The following ATXN7L3 variants were observed in gnomAD, a reference collection of about 807,000 sequenced individuals.
ATXN7L3 encodes the protein ataxin-7-like protein 3.
ATXN7L3 carries 6 observed loss-of-function variants against 50.0 expected under a neutral mutation model. The observed-to-expected ratio is 0.12, with a 90% CI of 0.07 to 0.24. ATXN7L3 has a LOEUF of 0.24. ATXN7L3 is among the 10% of genes least tolerant of loss of function. ATXN7L3 has a pLI of 1.00. For missense variants in ATXN7L3, 322 were observed against 451.3 expected (o/e 0.71, Z 2.60); for synonymous variants, 198 against 165.8 (o/e 1.19, Z -1.49).
At chr17:44,198,877 A>AC (rs1312052289) in intron 1 of ATXN7L3, 5 of 152,306 alleles carry the variant, frequency 3.3e-5, no homozygotes, top group Non-Finnish European at 7.3e-5. Context: ...AAGTCCAGGA[A>AC]CCCCCACCCA....
chr17:44,195,782 G>A lies in ATXN7L3; in HGVS notation c.552+18C>T, dbSNP rs1324154873. ...ACCAGGACAATGAGAGCAAGCATGA[G>A]GGGCGGCCCATACTCACCTTAAAAG... On this transcript the variant is annotated intron_variant, in intron 8 of 12. Transcript: ENST00000587097. 1.3e-6 allele frequency: 2 copies of A among 1,596,120 alleles called. No individual in the cohort carries two copies. The highest frequency in any genetic ancestry group is 1.7e-5 in the Admixed American group (1 of 59,924).
rs1487298609 is a variant in ATXN7L3, at chr17:44,194,562, C to CAGAGGGTG, written c.842_849dup (p.Asp284HisfsTer18). 6.2e-7 allele frequency: 1 copy of CAGAGGGTG among 1,613,808 alleles called. No homozygotes were observed. Among genetic ancestry groups the CAGAGGGTG allele is most frequent in the Non-Finnish European group, 8.5e-7 (1 of 1,179,984 alleles). On this transcript the variant is annotated frameshift_variant, in exon 12 of 13. Coordinates refer to ENST00000587097, the MANE Select transcript of ATXN7L3 (RefSeq NM_001382309.1). LOFTEE classifies it high-confidence loss of function. ...TCACTCGTCTTGGAGGAGCCTGAATCAGAGGGTGAGAGGTCAGAGGAGCCG... is the reference window on the plus strand; with the variant it reads ...TCACTCGTCTTGGAGGAGCCTGAATCAGAGGGTGAGAGGGTGAGAGGTCAGAGGAGCCG...
At position 44,197,392 on chromosome 17, in the gene ATXN7L3, C is replaced by A; in HGVS notation, c.192G>T (p.Val64=). The stretch of plus-strand genomic sequence containing the variant: ...CAAAGATGTCCAAGCCCGGCTGGTC[C>A]ACGATCTCTGGGGACAGGAGAGGCT... The part of the protein sequence containing the change: ...DPDSMKDFEI[V]DQPGLDIFGQ... Residue 64 remains valine, a synonymous_variant, in exon 4 of 13, where the codon GTG becomes GTT. Coordinates refer to ENST00000587097, the MANE Select transcript of ATXN7L3 (RefSeq NM_001382309.1). 6.3e-7 allele frequency: 1 copy of A among 1,596,164 alleles called. No homozygotes were observed.
In ATXN7L3 at chr17:44,199,773, C is replaced by G. The variant is rs1336255327; in HGVS notation, c.-338G>C. The G allele has an allele frequency of 6.8e-6, 1 of 147,146 alleles. No individual in the cohort carries two copies. Among genetic ancestry groups the G allele is most frequent in the Non-Finnish European group, 1.5e-5 (1 of 65,896 alleles). 9.1% of individuals were successfully genotyped at this position (147,146 alleles called of 1,614,324 possible). A position where few individuals can be genotyped will look rare whatever the true frequency, so the allele number is the denominator to read the frequency against. On this transcript the variant is annotated 5_prime_UTR_variant, in exon 1 of 13. Transcript: ENST00000587097. ...GTCCGCGCGCCGTCCGCGCGCCCCT[C>G]CCCCCGCCCCCCACTCCAGCCCGCC...
chr17:44,197,755 C>A, intron 2 of ATXN7L3, 25 bp from the exon 3 acceptor site: 1 of 1,614,186 alleles, frequency 6.2e-7, no homozygotes, highest in Non-Finnish European at 8.5e-7. Flanking sequence ...AGAACATCTA[C>A]GGTCACAAGA....
In ATXN7L3 at chr17:44,195,473, A is replaced by G; in HGVS notation, c.567T>C (p.Thr189=). 2 of 1,614,064 alleles carry G rather than the reference A, an allele frequency of 1.2e-6. No individual in the cohort carries two copies. Among genetic ancestry groups the G allele is most frequent in the East Asian group, 2.2e-5 (1 of 44,874 alleles). Residue 189 remains threonine, a synonymous_variant, in exon 9 of 13, where the codon ACT becomes ACC. Transcript: ENST00000587097. The part of the protein sequence containing the change: ...NSDPFKYNNS[T]GISYETLGPE... ...GCCCCAGGGTCTCATAGCTGATCCCAGTTGAATTGTTATACTGCAGGACAA... is the reference window on the plus strand; with the variant it reads ...GCCCCAGGGTCTCATAGCTGATCCCGGTTGAATTGTTATACTGCAGGACAA...
Position 44,194,572 on chromosome 17 carries a change from G to A in ATXN7L3, c.840C>T (p.Leu280=). Residue 280 remains leucine, a synonymous_variant, in exon 12 of 13, where the codon CTC becomes CTT. Transcript: ENST00000587097. ...SRLQWDGSSD[L]SPSDSGSSKT... ...TGGAGGAGCCTGAATCAGAGGGTGA[G>A]AGGTCAGAGGAGCCGTCCCACTGAA... is the stretch of plus-strand genomic sequence containing the variant. 1 of 1,613,802 alleles carries A rather than the reference G, an allele frequency of 6.2e-7. No individual in the cohort carries two copies. Among genetic ancestry groups the A allele is most frequent in the East Asian group, 2.2e-5 (1 of 44,880 alleles).
In ATXN7L3 at chr17:44,194,821, C is replaced by T; in HGVS notation, c.684G>A (p.Gln228=). The T allele has an allele frequency of 6.2e-7, 1 of 1,614,134 alleles. No homozygotes were observed. The highest frequency in any genetic ancestry group is 8.5e-7 in the Non-Finnish European group (1 of 1,180,016). Reference sequence around the variant, plus strand: ...CGGTTCGCCTCTGCTCATCTGTGTGCTGTGGGCAGCGCAGGGACCTGGTGG... The same window carrying T: ...CGGTTCGCCTCTGCTCATCTGTGTGTTGTGGGCAGCGCAGGGACCTGGTGG... ...KMCTRSLRCP[Q]HTDEQRRTVR... The change falls in exon 11 of 13, where the codon CAG becomes CAA. Residue 228 remains glutamine (Q), a synonymous_variant. Coordinates refer to ENST00000587097, the MANE Select transcript of ATXN7L3 (RefSeq NM_001382309.1).
rs111824036 is a variant in ATXN7L3, at chr17:44,199,557, C to G, written c.-122G>C. Reference sequence around the variant, plus strand: ...TCAGGGCCGCGTCCTCCGGCGGCGGCGACGGCGGCGGCTGCTCCGGAGCCC... The same window carrying G: ...TCAGGGCCGCGTCCTCCGGCGGCGGGGACGGCGGCGGCTGCTCCGGAGCCC... On this transcript the variant is annotated 5_prime_UTR_variant, in exon 1 of 13. Coordinates refer to ENST00000587097, the MANE Select transcript of ATXN7L3 (RefSeq NM_001382309.1). 2 of 147,830 alleles carry G rather than the reference C, an allele frequency of 1.4e-5. No individual in the cohort carries two copies. The highest frequency in any genetic ancestry group is 3.0e-5 in the Non-Finnish European group (2 of 66,802). The allele number at this position is 147,830 out of a possible 1,614,324, so 9.2% of individuals were successfully genotyped here. A position where few individuals can be genotyped will look rare whatever the true frequency, so the allele number is the denominator to read the frequency against.
intron 1 of ATXN7L3, 116 bp from the exon 2 acceptor site, chr17:44,198,246 C>T (rs1211668726): frequency 4.8e-6 from 3 of 622,104 alleles, no homozygotes; most frequent in Non-Finnish European, 5.6e-6. Context: ...TCTCTCCCTC[C>T]CCAAGGCCCA....
intron 9 of ATXN7L3, 82 bp from the exon 10 acceptor site, chr17:44,195,222 G>A (rs1437887030): frequency 6.7e-7 from 1 of 1,500,928 alleles, no homozygotes; most frequent in African/African-American, 1.4e-5. Context: ...ATAAATGCTA[G>A]ATAGCACAAG....
chr17:44,195,025 G>A, intron 10 of ATXN7L3, 72 bp downstream of exon 10: 3 of 1,571,550 alleles, frequency 1.9e-6, no homozygotes, highest in East Asian at 2.2e-5. Flanking sequence ...TCAAGTCCAG[G>A]GGTACTCCCA....
Position 44,193,057 on chromosome 17 carries a change from A to G in ATXN7L3, c.*1206T>C, listed in dbSNP as rs1454354097. 1.3e-5 allele frequency: 2 copies of G among 152,228 alleles called. No individual in the cohort carries two copies. The highest frequency in any genetic ancestry group is 3.8e-4 in the East Asian group (2 of 5,196). The allele number at this position is 152,228 out of a possible 1,614,324, so 9.4% of individuals were successfully genotyped here. A position where few individuals can be genotyped will look rare whatever the true frequency, so the allele number is the denominator to read the frequency against. ...AGGCAGGTGGGCACACTGGCATGAC[A>G]GTCCCACAGAGGGGCAGTGACACCC... On this transcript the variant is annotated 3_prime_UTR_variant, in exon 13 of 13. Transcript: ENST00000587097.
intron 3 of ATXN7L3, 24 bp downstream of exon 3, chr17:44,197,574 C>CT: frequency 6.2e-7 from 1 of 1,614,168 alleles, no homozygotes; most frequent in Non-Finnish European, 8.5e-7. Flanking sequence ...GGCTGGACTG[C>CT]TGCTCCTTCA....
In ATXN7L3 at chr17:44,191,890, A is replaced by G. The variant is rs1199771114; in HGVS notation, c.*2373T>C. 4.0e-6 allele frequency: 1 copy of G among 253,130 alleles called. No homozygotes were observed. Among genetic ancestry groups the G allele is most frequent in the Non-Finnish European group, 6.2e-6 (1 of 160,374 alleles). 15.7% of individuals were successfully genotyped at this position (253,130 alleles called of 1,614,324 possible). A position where few individuals can be genotyped will look rare whatever the true frequency, so the allele number is the denominator to read the frequency against. On this transcript the variant is annotated 3_prime_UTR_variant, in exon 13 of 13. Transcript: ENST00000587097. ...CGTTTACAAAGTTAGCTACCTGTACAGAATGGATTACATATGCAAAAATAA... is the reference window on the plus strand; with the variant it reads ...CGTTTACAAAGTTAGCTACCTGTACGGAATGGATTACATATGCAAAAATAA...
chr17:44,194,581 G>C lies in ATXN7L3; in HGVS notation c.831C>G (p.Ser277=). The C allele has an allele frequency of 6.2e-7, 1 of 1,613,852 alleles. No individual in the cohort carries two copies. The highest frequency in any genetic ancestry group is 8.5e-7 in the Non-Finnish European group (1 of 1,179,988). The change falls in exon 12 of 13, where the codon TCC becomes TCG. Residue 277 remains serine, a synonymous_variant. Coordinates refer to ENST00000587097, the MANE Select transcript of ATXN7L3 (RefSeq NM_001382309.1). ...CTGAATCAGAGGGTGAGAGGTCAGA[G>C]GAGCCGTCCCACTGAAGCCGGCTGA... ...ALISRLQWDG[S]SDLSPSDSGS... is the part of the protein sequence containing the mutation.
rs1199382746 is a variant in ATXN7L3 at position 44,198,035 on chromosome 17, A to T, written c.36T>A (p.Asp12Glu). 1 of 1,614,024 alleles carries T rather than the reference A, an allele frequency of 6.2e-7. No homozygotes were observed. ...KMEEMSLSGL[D>E]NSKLEAIAQE... Reference sequence around the variant, plus strand: ...GAGCCCTCACCTCTAGTTTGCTGTTATCCAGGCCAGACAAAGACATTTCCT... The same window carrying T: ...GAGCCCTCACCTCTAGTTTGCTGTTTTCCAGGCCAGACAAAGACATTTCCT... The change falls in exon 2 of 13, where the codon GAT becomes GAA. Residue 12 changes from aspartate to glutamate, a missense_variant. This residue lies in a region of ATXN7L3 where 33 missense variants were observed against 35.1 expected (regional missense o/e 0.94). Transcript: ENST00000587097.
At position 44,194,074 on chromosome 17, in the gene ATXN7L3, G is replaced by T. The variant is rs1305828841; in HGVS notation, c.*189C>A. Reference sequence around the variant, plus strand: ...TCCAGGTCTGAGTCCTGCACGCCGAGGAGTCGTGCTCCATTGCAGAGGACT... The same window carrying T: ...TCCAGGTCTGAGTCCTGCACGCCGATGAGTCGTGCTCCATTGCAGAGGACT... On this transcript the variant is annotated 3_prime_UTR_variant, in exon 13 of 13. Transcript: ENST00000587097. 1.5e-6 allele frequency: 1 copy of T among 689,136 alleles called. No individual in the cohort carries two copies. Among genetic ancestry groups the T allele is most frequent in the Non-Finnish European group, 2.4e-6 (1 of 412,418 alleles). 42.7% of individuals were successfully genotyped at this position (689,136 alleles called of 1,614,324 possible).
chr17:44,197,807 A>G, intron 2 of ATXN7L3, 77 bp from the exon 3 acceptor site: 1 of 1,595,684 alleles, frequency 6.3e-7, no homozygotes, highest in Non-Finnish European at 8.6e-7. Flanking sequence ...TCTGCTGCCA[A>G]CTGGCCCCAG....
Sources: gnomAD v4.1 joint callset for allele counts on GRCh38, gnomAD v4.1.1 for gene constraint, gnomAD v4.1.1 regional missense constraint, MANE v1.5 for transcripts, NCBI Gene and HGNC (gene_info 2026-07-23, HGNC 2026-07-21) for gene names.